The following LYN variants were observed in gnomAD, a reference collection of about 807,000 sequenced individuals.
The protein encoded by LYN is LYN proto-oncogene, Src family tyrosine kinase.
A neutral mutation model predicts 65.0 loss-of-function variants in LYN; 12 were observed. That is an observed-to-expected ratio of 0.18 (90% CI 0.12 to 0.30). The LOEUF (loss-of-function observed/expected upper bound fraction) is 0.30, where lower values mean the gene tolerates loss of function less well. Ranked by LOEUF, LYN falls within the 10% of genes least tolerant of loss-of-function variation. LYN has a pLI of 1.00. For synonymous variants in LYN, 222 were observed against 221.2 expected, an observed-to-expected ratio of 1.00 and a Z score of -0.03; for missense variants, 380 against 623.2, an observed-to-expected ratio of 0.61 and a Z score of 4.16.
chr8:55,896,718 T>TC (rs1030010681), intron 1 of LYN, among the ~76,000 whole-genome samples: 17 of 152,034 alleles, frequency 1.1e-4, no homozygotes, highest in Non-Finnish European at 1.0e-4. Context: ...AGAGAGGCAT[T>TC]CCCCCCAAGC....
intron 12 of LYN, among the ~76,000 whole-genome samples, chr8:56,006,799 C>T (rs1316322219): frequency 1.3e-5 from 2 of 152,244 alleles, no homozygotes; most frequent in African/African-American, 4.8e-5. Flanking sequence ...CTTTCTTTAA[C>T]TTAGCGACAG....
intron 1 of LYN, among the ~76,000 whole-genome samples, chr8:55,909,979 G>C (rs1287794576): frequency 2.9e-4 from 28 of 97,590 alleles, no homozygotes; most frequent in African/African-American, 9.8e-4. Context: ...TTGTTTGTGT[G>C]TGTGTGTGTG....
intron 8 of LYN, among the ~76,000 whole-genome samples, chr8:55,956,282 T>A (rs1235886387): frequency 1.3e-5 from 2 of 152,230 alleles, no homozygotes; most frequent in South Asian, 2.1e-4. Context: ...TACGTACACA[T>A]ACATACATGT....
At chr8:55,999,616 A>C in intron 12 of LYN, 67 bp downstream of exon 12, 1 of 1,467,726 alleles carries the variant, frequency 6.8e-7, no homozygotes, top group Admixed American at 1.7e-5. Context: ...GCATGAAGGC[A>C]TTAAAAAGTA....
chr8:55,971,895 A>G (rs1807618849), intron 10 of LYN, among the ~76,000 whole-genome samples: 1 of 152,202 alleles, frequency 6.6e-6, no homozygotes, highest in Non-Finnish European at 1.5e-5. Flanking sequence ...CTTACGAGGA[A>G]GATTACCACA....
intron 1 of LYN, among the ~76,000 whole-genome samples, chr8:55,901,365 G>A (rs1805256570): frequency 6.6e-6 from 1 of 152,174 alleles, no homozygotes; most frequent in African/African-American, 2.4e-5. Context: ...GTCTGATGAA[G>A]TCAGTGTAAG....
chr8:55,973,167 C>G (rs1807657814), intron 10 of LYN, among the ~76,000 whole-genome samples: 1 of 152,200 alleles, frequency 6.6e-6, no homozygotes, highest in Non-Finnish European at 1.5e-5. Flanking sequence ...ATGCCCTACT[C>G]TCCCCTCCGC....
intron 1 of LYN, among the ~76,000 whole-genome samples, chr8:55,900,974 T>C (rs1018614712): frequency 4.6e-5 from 7 of 152,054 alleles, no homozygotes; most frequent in Admixed American, 2.6e-4. Flanking sequence ...AAGACGTGGA[T>C]TGAGTGAGCC....
intron 12 of LYN, among the ~76,000 whole-genome samples, chr8:56,005,654 T>C (rs1808652452): frequency 6.6e-6 from 1 of 152,262 alleles, no homozygotes; most frequent in Admixed American, 6.5e-5. Context: ...TTTAAGTTTC[T>C]ATTTCTTGTT....
At position 55,953,924 on chromosome 8, in the gene LYN, C is replaced by T. The variant is rs1387477088; in HGVS notation, c.730C>T (p.Arg244Trp). The T allele has an allele frequency of 3.1e-6, 5 of 1,614,098 alleles. No individual in the cohort carries two copies. Among genetic ancestry groups the T allele is most frequent in the Middle Eastern group, 1.7e-4 (1 of 6,058 alleles). Residue 244 changes from arginine to tryptophan, a missense_variant, in exon 8 of 13, where the codon CGG becomes TGG. Physicochemically the swap from Arg to Trp is moderately radical, Grantham distance 101 (BLOSUM62 -3). Coordinates refer to ENST00000519728, the MANE Select transcript of LYN (RefSeq NM_002350.4). The part of the protein sequence containing the change: ...PWDKDAWEIP[R>W]ESIKLVKRLG... ...GGATAAAGATGCCTGGGAGATCCCC[C>T]GGGAGTCCATCAAGTTGGTGAAAAG...
At chr8:55,993,104 C>T (rs1056277382) in intron 10 of LYN, among the ~76,000 whole-genome samples, 2 of 152,150 alleles carry the variant, frequency 1.3e-5, no homozygotes, top group Non-Finnish European at 2.9e-5. Flanking sequence ...TCATACCTAC[C>T]TAATACAACC....
intron 1 of LYN, 73 bp from the exon 2 acceptor site, chr8:55,941,782 A>G: frequency 9.2e-6 from 10 of 1,083,792 alleles, no homozygotes; most frequent in Non-Finnish European, 1.4e-5. Context: ...ACTCTTTTTT[A>G]TTGGAGACAT....
chr8:56,004,269 T>C (rs892692653), intron 12 of LYN, among the ~76,000 whole-genome samples: 4 of 149,550 alleles, frequency 2.7e-5, no homozygotes, highest in South Asian at 2.1e-4. Flanking sequence ...ATATGCACAT[T>C]AAAAAAGTAG....
At chr8:55,890,450 G>A (rs577056440) in intron 1 of LYN, among the ~76,000 whole-genome samples, 1 of 152,344 alleles carries the variant, frequency 6.6e-6, no homozygotes, top group African/African-American at 2.4e-5. Context: ...TGCCAAGGAT[G>A]TGGAGAAATT....
At chr8:56,000,754 AAGAG>A (rs1176590933) in intron 12 of LYN, among the ~76,000 whole-genome samples, 1 of 144,432 alleles carries the variant, frequency 6.9e-6, no homozygotes, top group East Asian at 1.9e-4. Context: ...AAAAAAAAAA[AAGAG>A]GGATTTCTCC....
chr8:55,976,117 G>T (rs1429098750), intron 10 of LYN, among the ~76,000 whole-genome samples: 1 of 152,072 alleles, frequency 6.6e-6, no homozygotes, highest in Non-Finnish European at 1.5e-5. Flanking sequence ...TGGTTTAGGA[G>T]TGGGCAGAGT....
intron 1 of LYN, among the ~76,000 whole-genome samples, chr8:55,880,899 A>G (rs2130339821): frequency 6.6e-6 from 1 of 152,286 alleles, no homozygotes; most frequent in Middle Eastern, 3.4e-3. Flanking sequence ...GTAACTTTCC[A>G]ACAGCCTGCC....
intron 1 of LYN, among the ~76,000 whole-genome samples, chr8:55,896,318 C>T (rs1805097929): frequency 6.6e-6 from 1 of 151,774 alleles, no homozygotes; most frequent in Non-Finnish European, 1.5e-5. Context: ...AACAAAGAAA[C>T]AAAAGCAAGT....
intron 4 of LYN, among the ~76,000 whole-genome samples, chr8:55,948,415 T>G (rs1277570649): frequency 6.6e-6 from 1 of 152,212 alleles, no homozygotes; most frequent in Non-Finnish European, 1.5e-5. Context: ...GCTTGAGTTC[T>G]AAGGGTACTG....
Sources: allele counts gnomAD v4.1 joint callset (sites outside exome capture counted in the v4.1 genomes callset), GRCh38; gene constraint gnomAD v4.1.1; transcripts MANE v1.5; gene names NCBI Gene and HGNC (gene_info 2026-07-23, HGNC 2026-07-21).